The following INPP4B variants were observed in gnomAD, a reference collection of about 807,000 sequenced individuals.
INPP4B encodes the protein inositol polyphosphate 4-phosphatase type II.
INPP4B carries 55 observed loss-of-function variants against 122.5 expected under a neutral mutation model. The ratio of observed to expected loss-of-function variants is 0.45; its 90% confidence interval spans 0.36 to 0.56. The LOEUF is 0.56. INPP4B is among the 20% of genes least tolerant of loss of function. The pLI, the probability that INPP4B is intolerant of heterozygous loss-of-function variation, is 0.00. For missense variants in INPP4B, 1,000 were observed against 1,097.7 expected, an observed-to-expected ratio of 0.91 and a Z score of 1.26; for synonymous variants, 403 against 388.7, an observed-to-expected ratio of 1.04 and a Z score of -0.43.
At chr4:142,624,903 C>A (rs1336548740) in intron 2 of INPP4B, among the ~76,000 whole-genome samples, 1 of 151,620 alleles carries the variant, frequency 6.6e-6, no homozygotes, top group Non-Finnish European at 1.5e-5. Flanking sequence ...TCAATAGATG[C>A]AGAAAAGGCC....
At chr4:142,281,868 A>G (rs900004168) in intron 9 of INPP4B, among the ~76,000 whole-genome samples, 2 of 152,106 alleles carry the variant, frequency 1.3e-5, no homozygotes, top group African/African-American at 4.8e-5. Context: ...CTGACAACAC[A>G]TAATAAAATC....
chr4:142,355,958 A>C (rs146610670), intron 7 of INPP4B, among the ~76,000 whole-genome samples: 2 of 151,744 alleles, frequency 1.3e-5, no homozygotes, highest in East Asian at 3.9e-4. Context: ...CAATAAGATT[A>C]CCTATTTTTA....
intron 9 of INPP4B, among the ~76,000 whole-genome samples, chr4:142,290,590 A>G (rs1430006963): frequency 1.3e-5 from 2 of 152,124 alleles, no homozygotes; most frequent in Non-Finnish European, 2.9e-5. Context: ...GAATATACCA[A>G]TGAAACTCCT....
intron 7 of INPP4B, among the ~76,000 whole-genome samples, chr4:142,392,598 A>G (rs1260627406): frequency 6.6e-6 from 1 of 152,212 alleles, no homozygotes; most frequent in Admixed American, 6.5e-5. Context: ...CTCTTCTAGA[A>G]GGGCATCATT....
chr4:142,747,234 A>T (rs1223654017), intron 1 of INPP4B, among the ~76,000 whole-genome samples: 1 of 152,222 alleles, frequency 6.6e-6, no homozygotes, highest in Non-Finnish European at 1.5e-5. Context: ...GCACTTCTCA[A>T]AAGAAAATAT....
At chr4:142,216,921 C>A (rs113473269) in intron 12 of INPP4B, among the ~76,000 whole-genome samples, 4,432 of 151,980 alleles carry the variant, frequency 0.029, 204 homozygotes, top group African/African-American at 0.1. Context: ...AAATATTGGC[C>A]GGAATATTAA....
intron 2 of INPP4B, among the ~76,000 whole-genome samples, chr4:142,481,847 C>A (rs79488894): frequency 6.6e-6 from 1 of 152,074 alleles, no homozygotes; most frequent in Non-Finnish European, 1.5e-5. Flanking sequence ...TATTTCCCAC[C>A]GAAATGTACC....
intron 3 of INPP4B, among the ~76,000 whole-genome samples, chr4:142,459,093 G>A (rs1816161739): frequency 6.6e-6 from 1 of 152,178 alleles, no homozygotes; most frequent in African/African-American, 2.4e-5. Flanking sequence ...AGAAAGCAGT[G>A]TGGAAGGAAG....
chr4:142,148,624 A>C (rs966959543), intron 17 of INPP4B, among the ~76,000 whole-genome samples: 1 of 152,232 alleles, frequency 6.6e-6, no homozygotes, highest in Non-Finnish European at 1.5e-5. Flanking sequence ...GAAGAGCCTG[A>C]AAATAAAAGT....
chr4:142,461,853 A>G (rs2149594165), intron 3 of INPP4B, among the ~76,000 whole-genome samples: 1 of 152,120 alleles, frequency 6.6e-6, no homozygotes, highest in South Asian at 2.1e-4. Flanking sequence ...CAGGTGACAG[A>G]TTCGAAAGCA....
intron 1 of INPP4B, among the ~76,000 whole-genome samples, chr4:142,806,512 G>T (rs539299316): frequency 6.6e-5 from 10 of 151,744 alleles, no homozygotes; most frequent in Non-Finnish European, 1.0e-4. Flanking sequence ...GAGGCCAAGG[G>T]GGGTGAATCA....
chr4:142,801,910 C>T (rs1778050611), intron 1 of INPP4B, among the ~76,000 whole-genome samples: 1 of 151,958 alleles, frequency 6.6e-6, no homozygotes, highest in Non-Finnish European at 1.5e-5. Context: ...GTAAATACTC[C>T]ATAGTTAAAT....
intron 2 of INPP4B, among the ~76,000 whole-genome samples, chr4:142,693,819 C>G (rs1442354145): frequency 3.3e-5 from 5 of 152,050 alleles, no homozygotes; most frequent in African/African-American, 1.2e-4. Flanking sequence ...TTAAGGTTGC[C>G]TAGCTAACAA....
chr4:142,806,262 G>T (rs1215358413), intron 1 of INPP4B, among the ~76,000 whole-genome samples: 2 of 112,608 alleles, frequency 1.8e-5, no homozygotes, highest in African/African-American at 7.2e-5. Flanking sequence ...CTGGGAGAAC[G>T]AGTGAGACTC....
At chr4:142,112,438 C>G in intron 22 of INPP4B, 104 bp downstream of exon 22, 4 of 1,136,270 alleles carry the variant, frequency 3.5e-6, no homozygotes, top group Non-Finnish European at 5.1e-6. Flanking sequence ...AAATGTTACT[C>G]ATAAATTGAT....
intron 25 of INPP4B, among the ~76,000 whole-genome samples, chr4:142,074,251 C>T (rs1320786413): frequency 2.0e-5 from 3 of 152,044 alleles, no homozygotes; most frequent in African/African-American, 7.2e-5. Flanking sequence ...TGCAAAACTC[C>T]ATTATATGAA....
chr4:142,184,021 C>G (rs1579205610), intron 15 of INPP4B, among the ~76,000 whole-genome samples: 1 of 152,016 alleles, frequency 6.6e-6, no homozygotes, highest in Non-Finnish European at 1.5e-5. Context: ...CCTTCTTCAC[C>G]AAATTTGATA....
chr4:142,108,054 G>T, intron 23 of INPP4B, 39 bp downstream of exon 23: 1 of 1,018,806 alleles, frequency 9.8e-7, no homozygotes, highest in South Asian at 1.3e-5. Flanking sequence ...TTATAATCAA[G>T]AAGCTATTAT....
intron 2 of INPP4B, among the ~76,000 whole-genome samples, chr4:142,518,135 C>A (rs1184111835): frequency 1.3e-5 from 2 of 152,170 alleles, no homozygotes; most frequent in Non-Finnish European, 2.9e-5. Context: ...TCTATTTCAG[C>A]AATTAGCATT....
Sources: gnomAD v4.1 joint callset for allele counts (sites outside exome capture counted in the v4.1 genomes callset) on GRCh38, gnomAD v4.1.1 for gene constraint, MANE v1.5 for transcripts, NCBI Gene and HGNC (gene_info 2026-07-23, HGNC 2026-07-21) for gene names.